FOXN3: variants seen among roughly 807,000 people sequenced by gnomAD.
FOXN3 encodes forkhead box N3, also known as forkhead box protein N3.
A neutral mutation model predicts 38.4 loss-of-function variants in FOXN3; 7 were observed. The ratio of observed to expected loss-of-function variants is 0.18; its 90% CI spans 0.10 to 0.34. FOXN3 has a LOEUF of 0.34. Among genes scored for constraint, FOXN3 ranks in the 10% least tolerant of loss-of-function variants. The pLI, the probability that FOXN3 is intolerant of heterozygous loss-of-function variation, is 1.00. For synonymous variants in FOXN3, 230 were observed against 242.2 expected, an observed-to-expected ratio of 0.95 and a Z score of 0.47; for missense variants, 456 against 613.4, an observed-to-expected ratio of 0.74 and a Z score of 2.71.
intron 4 of FOXN3, among the ~76,000 whole-genome samples, chr14:89,208,800 G>A (rs1250293858): frequency 6.6e-6 from 1 of 152,208 alleles, no homozygotes; most frequent in Non-Finnish European, 1.5e-5. Context: ...AGATCTACTT[G>A]AATTAGCGGG....
chr14:89,607,050 A>C (rs1480700996), intron 1 of FOXN3, among the ~76,000 whole-genome samples: 3 of 152,356 alleles, frequency 2.0e-5, no homozygotes, highest in African/African-American at 7.2e-5. Context: ...AGATTATTTC[A>C]CACCTACTAA....
At chr14:89,264,758 G>A (rs1885919195) in intron 4 of FOXN3, among the ~76,000 whole-genome samples, 1 of 152,272 alleles carries the variant, frequency 6.6e-6, no homozygotes, top group South Asian at 2.1e-4. Flanking sequence ...TCCACATCAG[G>A]AGGATGCTGG....
chr14:89,183,564 A>G (rs1052696621), intron 4 of FOXN3, among the ~76,000 whole-genome samples: 1 of 152,174 alleles, frequency 6.6e-6, no homozygotes, highest in African/African-American at 2.4e-5. Context: ...GAGACACCTA[A>G]CCCAAACTAA....
intron 4 of FOXN3, among the ~76,000 whole-genome samples, chr14:89,261,730 C>A (rs918363672): frequency 2.0e-5 from 3 of 151,964 alleles, no homozygotes; most frequent in Non-Finnish European, 4.4e-5. Context: ...GAGATCGAGA[C>A]CATCCTGGCT....
At chr14:89,266,650 CA>C (rs1332300333) in intron 4 of FOXN3, among the ~76,000 whole-genome samples, 2 of 152,124 alleles carry the variant, frequency 1.3e-5, no homozygotes, top group African/African-American at 4.8e-5. Flanking sequence ...GGCTGGAAGA[CA>C]GAAGTAACGG....
At chr14:89,513,134 T>TGA (rs1894127357) in intron 1 of FOXN3, among the ~76,000 whole-genome samples, 1 of 110,760 alleles carries the variant, frequency 9.0e-6, no homozygotes, top group Non-Finnish European at 1.7e-5. Flanking sequence ...GGCAACAGAG[T>TGA]GAGATTCCAT....
rs1334457054 is a variant in FOXN3 at position 89,572,792 on chromosome 14, C to T, written c.-15+46236G>A. Among the ~76,000 whole-genome samples the T allele has an allele frequency of 3.9e-5, 6 of 152,336 alleles. 1 individual carries two copies. In the East Asian group the frequency reaches 9.6e-4, roughly 24 times the overall value. ...CCTGCCAGCTGGCCCTTGCCATAGC[C>T]AGAAGTATGCACCTGTCTACAGAGA... On this transcript the variant is annotated intron_variant, in intron 1 of 6. Coordinates refer to the FOXN3 transcript ENST00000345097.
Position 89,350,496 on chromosome 14 carries a change from A to G in FOXN3, c.680+176T>C. Reference sequence around the variant, plus strand: ...ATTCCTCTGACGCTGCAGCAGCGGTAAGGTTTGTAGGAAATACAACAGTGG... The same window carrying G: ...ATTCCTCTGACGCTGCAGCAGCGGTGAGGTTTGTAGGAAATACAACAGTGG... On this transcript the variant is annotated intron_variant, in intron 3 of 5. Transcript: ENST00000557258. 4 of 479,586 alleles carry G rather than the reference A, an allele frequency of 8.3e-6. 1 individual carries two copies. Among genetic ancestry groups the G allele is most frequent in the Non-Finnish European group, 1.4e-5 (4 of 286,016 alleles). 29.7% of individuals were successfully genotyped at this position (479,586 alleles called of 1,614,324 possible).
At chr14:89,290,437 T>C (rs2139933138) in intron 3 of FOXN3, 1 of 376,010 alleles carries the variant, frequency 2.7e-6, no homozygotes, top group Non-Finnish European at 5.2e-6. Flanking sequence ...GAGTTGGTCA[T>C]TTCCCCAATG....
At chr14:89,490,021 T>C (rs1398659779) in intron 1 of FOXN3, among the ~76,000 whole-genome samples, 1 of 152,232 alleles carries the variant, frequency 6.6e-6, no homozygotes, top group Non-Finnish European at 1.5e-5. Flanking sequence ...GCAGTAAAGT[T>C]GCAGCCACAT....
intron 1 of FOXN3, among the ~76,000 whole-genome samples, chr14:89,451,693 C>T (rs910696724): frequency 1.3e-4 from 20 of 152,164 alleles, no homozygotes; most frequent in Non-Finnish European, 2.4e-4. Flanking sequence ...GCCTGCCAGT[C>T]GTAACACCTC....
intron 3 of FOXN3, among the ~76,000 whole-genome samples, chr14:89,299,777 G>A (rs1222345376): frequency 6.6e-6 from 1 of 152,214 alleles, no homozygotes; most frequent in African/African-American, 2.4e-5. Flanking sequence ...CGGAGGTCTT[G>A]ACAATGGTAC....
intron 1 of FOXN3, among the ~76,000 whole-genome samples, chr14:89,582,616 A>C (rs1040258856): frequency 2.6e-5 from 4 of 151,428 alleles, no homozygotes; most frequent in Non-Finnish European, 4.4e-5. Flanking sequence ...CAGCCTCCCG[A>C]GTAGCAAACT....
At chr14:89,463,615 C>T (rs1892902631) in intron 1 of FOXN3, among the ~76,000 whole-genome samples, 1 of 152,150 alleles carries the variant, frequency 6.6e-6, no homozygotes, top group African/African-American at 2.4e-5. Context: ...TGAAAAGCCT[C>T]CATTCCACAA....
At chr14:89,366,851 T>A (rs1890174967) in intron 2 of FOXN3, among the ~76,000 whole-genome samples, 1 of 152,226 alleles carries the variant, frequency 6.6e-6, no homozygotes, top group African/African-American at 2.4e-5. Flanking sequence ...GGATTACAAC[T>A]GGCCCACCTA....
intron 1 of FOXN3, among the ~76,000 whole-genome samples, chr14:89,607,502 T>G (rs2139948264): frequency 6.8e-6 from 1 of 146,982 alleles, no homozygotes; most frequent in Admixed American, 6.9e-5. Context: ...GGGGTTGCAA[T>G]CAGCCGAGAT....
intron 1 of FOXN3, among the ~76,000 whole-genome samples, chr14:89,505,305 C>CGGT (rs1555357741): frequency 2.0e-5 from 3 of 148,530 alleles, no homozygotes; most frequent in Admixed American, 2.0e-4. Flanking sequence ...CCTCTCCCCA[C>CGGT]GGTCTCCCTC....
At chr14:89,573,025 G>C (rs1009188758) in intron 1 of FOXN3, among the ~76,000 whole-genome samples, 1 of 152,192 alleles carries the variant, frequency 6.6e-6, no homozygotes, top group Non-Finnish European at 1.5e-5. Context: ...CCCTAGAGCA[G>C]GGCTGTGGTT....
intron 4 of FOXN3, chr14:89,190,474 C>T: frequency 1.3e-6 from 2 of 1,597,314 alleles, no homozygotes; most frequent in South Asian, 1.1e-5. Context: ...CAATAAATAA[C>T]ATTATTTACA....
Sources: gnomAD v4.1 joint callset for allele counts (sites outside exome capture counted in the v4.1 genomes callset) on GRCh38, gnomAD v4.1.1 for gene constraint, MANE v1.5 for transcripts, NCBI Gene and HGNC (gene_info 2026-07-23, HGNC 2026-07-21) for gene names.